The following MPHOSPH8 variants were observed in gnomAD, a reference collection of about 807,000 sequenced individuals.
MPHOSPH8 encodes the protein M-phase phosphoprotein 8.
MPHOSPH8 carries 45 observed loss-of-function variants against 87.3 expected under a neutral mutation model. The ratio of observed to expected loss-of-function variants is 0.52; its 90% CI spans 0.41 to 0.66. MPHOSPH8 has a LOEUF of 0.66. Ranked by LOEUF, MPHOSPH8 falls within the 30% of genes least tolerant of loss-of-function variation. MPHOSPH8 has a pLI of 0.00. For missense variants in MPHOSPH8, 883 were observed against 1,020.2 expected (o/e 0.87, Z 1.83); for synonymous variants, 366 against 376.9 (o/e 0.97, Z 0.33).
chr13:19,668,676 C>A, intron 11 of MPHOSPH8, 145 bp downstream of exon 11: 1 of 905,208 alleles, frequency 1.1e-6, no homozygotes, highest in Non-Finnish European at 1.6e-6. Flanking sequence ...ACAGTAGAGC[C>A]ACTCTGGTGG....
intron 1 of MPHOSPH8, 123 bp from the exon 2 acceptor site, chr13:19,641,976 TACTTTAGAATGTGAAA>T: frequency 2.9e-6 from 2 of 687,024 alleles, no homozygotes; most frequent in Non-Finnish European, 4.5e-6. Flanking sequence ...GAGATGTGTG[TACTTTAGAATGTGAAA>T]ATTTCCACTT....
intron 5 of MPHOSPH8, among the ~76,000 whole-genome samples, chr13:19,652,301 G>A (rs748181554): frequency 2.0e-5 from 3 of 152,164 alleles, no homozygotes; most frequent in Non-Finnish European, 4.4e-5. Flanking sequence ...AGGGTCGGGC[G>A]TTGCCTCACC....
intron 2 of MPHOSPH8, among the ~76,000 whole-genome samples, chr13:19,645,858 G>GT (rs1048267497): frequency 2.0e-5 from 3 of 151,710 alleles, no homozygotes; most frequent in African/African-American, 7.3e-5. Flanking sequence ...GTGTTTTTGT[G>GT]TTTATACGAG....
chr13:19,670,787 A>G lies in MPHOSPH8; in HGVS notation c.2458-419A>G, dbSNP rs1004068569. On this transcript the variant is annotated intron_variant, in intron 12 of 13. Transcript: ENST00000361479. ...TTCCCAGATTGATTCTGTCATTTGTATATTTTTAATAAATCAAGGGAAAAA... is the reference window on the plus strand; with the variant it reads ...TTCCCAGATTGATTCTGTCATTTGTGTATTTTTAATAAATCAAGGGAAAAA... The G allele has an allele frequency of 8.2e-6, 10 of 1,213,392 alleles. No homozygotes were observed. In the Admixed American group the frequency reaches 2.0e-4, roughly 24 times the overall value. 75.2% of individuals were successfully genotyped at this position (1,213,392 alleles called of 1,614,324 possible).
intron 2 of MPHOSPH8, among the ~76,000 whole-genome samples, chr13:19,645,930 A>G (rs956779738): frequency 1.3e-5 from 2 of 152,144 alleles, no homozygotes; most frequent in South Asian, 2.1e-4. Context: ...TTCATAAGCA[A>G]TATTTCAGAT....
Position 19,642,231 on chromosome 13 carries a change from T to C in MPHOSPH8, c.330T>C (p.Ile110=), listed in dbSNP as rs1408758233. ...KEVLLEFRKK[I]AENKAKAVRK... ...TGCTTCTTGAATTTAGGAAGAAAAT[T>C]GCAGAGAACAAAGCCAAAGCAGTCA... is the stretch of plus-strand genomic sequence containing the variant. The change falls in exon 2 of 14, where the codon ATT becomes ATC. Residue 110 remains isoleucine, a synonymous_variant. Coordinates refer to ENST00000361479, the MANE Select transcript of MPHOSPH8 (RefSeq NM_017520.4). 1.2e-6 allele frequency: 2 copies of C among 1,610,318 alleles called. No individual in the cohort carries two copies. The highest frequency in any genetic ancestry group is 1.7e-6 in the Non-Finnish European group (2 of 1,178,862).
chr13:19,646,406 T>C (rs773797614), intron 2 of MPHOSPH8, 37 bp from the exon 3 acceptor site: 2 of 1,346,944 alleles, frequency 1.5e-6, no homozygotes, highest in Non-Finnish European at 1.9e-6. Context: ...AAAATCAATA[T>C]GTTAATGAAT....
chr13:19,642,144 A>G lies in MPHOSPH8; in HGVS notation c.243A>G (p.Lys81=), dbSNP rs759100673. Residue 81 remains lysine (K), a synonymous_variant, in exon 2 of 14, where the codon AAA becomes AAG. Coordinates refer to ENST00000361479, the MANE Select transcript of MPHOSPH8 (RefSeq NM_017520.4). ...AAGTTCTTTACAAAGTTCGCTGGAA[A>G]GGCTATACATCGGATGATGATACCT... is the stretch of plus-strand genomic sequence containing the variant. The part of the protein sequence containing the change: ...GGKVLYKVRW[K]GYTSDDDTWE... 6.3e-7 allele frequency: 1 copy of G among 1,596,934 alleles called. No individual in the cohort carries two copies. The highest frequency in any genetic ancestry group is 2.3e-5 in the East Asian group (1 of 43,802).
chr13:19,642,411 A>C, intron 2 of MPHOSPH8, 141 bp downstream of exon 2: 4 of 693,386 alleles, frequency 5.8e-6, no homozygotes, highest in Non-Finnish European at 8.4e-6. Context: ...GCCAATTCTC[A>C]CAGACTGCTT....
chr13:19,646,031 A>G (rs1874545404), intron 2 of MPHOSPH8, among the ~76,000 whole-genome samples: 1 of 152,182 alleles, frequency 6.6e-6, no homozygotes, highest in Non-Finnish European at 1.5e-5. Flanking sequence ...AGGACATTCC[A>G]GGATCCAGGG....
chr13:19,657,240 G>C (rs1374354514), intron 5 of MPHOSPH8, among the ~76,000 whole-genome samples: 1 of 151,576 alleles, frequency 6.6e-6, no homozygotes, highest in Non-Finnish European at 1.5e-5. Context: ...TAGGGTCCAG[G>C]CACGGTGGTT....
intron 7 of MPHOSPH8, chr13:19,661,221 T>TA (rs1158708097): frequency 1.3e-5 from 2 of 153,444 alleles, no homozygotes; most frequent in East Asian, 3.8e-4. Flanking sequence ...CTGGTGCATA[T>TA]AAAATTTAGG....
At chr13:19,665,064 T>A (rs1283992166) in intron 9 of MPHOSPH8, among the ~76,000 whole-genome samples, 1 of 151,936 alleles carries the variant, frequency 6.6e-6, no homozygotes, top group Non-Finnish European at 1.5e-5. Flanking sequence ...GCTGTGTGCC[T>A]TGCTGAGGTA....
chr13:19,667,353 T>G (rs67073573), intron 10 of MPHOSPH8, among the ~76,000 whole-genome samples: 16,585 of 152,182 alleles, frequency 0.11, 1,107 homozygotes, highest in African/African-American at 0.19. Flanking sequence ...CTGGGGAACC[T>G]ACAGGGACAT....
intron 5 of MPHOSPH8, among the ~76,000 whole-genome samples, chr13:19,656,760 C>A (rs1393888071): frequency 6.7e-6 from 1 of 149,620 alleles, no homozygotes; most frequent in Non-Finnish European, 1.5e-5. Flanking sequence ...GACTTTCTTT[C>A]AAAAATAAAA....
At chr13:19,638,242 G>A (rs546083033) in intron 1 of MPHOSPH8, among the ~76,000 whole-genome samples, 1 of 152,060 alleles carries the variant, frequency 6.6e-6, no homozygotes, top group South Asian at 2.1e-4. Flanking sequence ...AAACTGTATT[G>A]CTGAACAATA....
chr13:19,671,341 ATTAC>A, intron 13 of MPHOSPH8, 52 bp downstream of exon 13: 1 of 1,519,548 alleles, frequency 6.6e-7, no homozygotes, highest in South Asian at 1.1e-5. Context: ...GTTGCTCCAG[ATTAC>A]TTTATCAACA....
chr13:19,655,820 G>A (rs1875129664), intron 5 of MPHOSPH8, among the ~76,000 whole-genome samples: 1 of 152,190 alleles, frequency 6.6e-6, no homozygotes. Flanking sequence ...GGAACGGGGA[G>A]GGGAAATAGC....
Position 19,659,293 on chromosome 13 carries a change from A to G in MPHOSPH8, c.1791+4A>G. ...AGAATATAACCTGGACCAAGAGGTAATATGTCGTTGAAAAATCTCATGAAA... is the reference window on the plus strand; with the variant it reads ...AGAATATAACCTGGACCAAGAGGTAGTATGTCGTTGAAAAATCTCATGAAA... On this transcript the variant is annotated splice_donor_region_variant and intron_variant, in intron 7 of 13. Coordinates refer to ENST00000361479, the MANE Select transcript of MPHOSPH8 (RefSeq NM_017520.4). The G allele has an allele frequency of 6.3e-7, 1 of 1,588,944 alleles. No homozygotes were observed.
Sources: gnomAD v4.1 joint callset for allele counts (sites outside exome capture counted in the v4.1 genomes callset) on GRCh38, gnomAD v4.1.1 for gene constraint, MANE v1.5 for transcripts, NCBI Gene and HGNC (gene_info 2026-07-23, HGNC 2026-07-21) for gene names.